The following NBPF3 variants were observed in gnomAD, a reference collection of about 807,000 sequenced individuals.
NBPF3 encodes the protein NBPF family member NBPF3.
A neutral mutation model predicts 78.1 loss-of-function variants in NBPF3; 57 were observed. The observed-to-expected ratio is 0.73, with a 90% confidence interval of 0.59 to 0.91. NBPF3 has a LOEUF of 0.91. Among genes scored for constraint, NBPF3 ranks in the 40% least tolerant of loss-of-function variants. NBPF3 has a pLI of 0.00. For synonymous variants in NBPF3, 182 were observed against 271.7 expected, an observed-to-expected ratio of 0.67 and a Z score of 3.25; for missense variants, 510 against 715.3, an observed-to-expected ratio of 0.71 and a Z score of 3.27.
intron 2 of NBPF3, chr1:21,446,030 C>T (rs1640950911): frequency 6.6e-6 from 1 of 152,396 alleles, no homozygotes; most frequent in South Asian, 2.1e-4. Flanking sequence ...CATGTGGTCG[C>T]CCACAGGTCC....
intron 2 of NBPF3, among the ~76,000 whole-genome samples, chr1:21,450,583 C>T (rs1372052682): frequency 6.6e-6 from 1 of 152,160 alleles, no homozygotes; most frequent in East Asian, 1.9e-4. Context: ...TTCCATCTAC[C>T]ACAGTAGGAC....
chr1:21,477,291 AT>A, intron 8 of NBPF3, among the ~76,000 whole-genome samples: 1 of 152,306 alleles, frequency 6.6e-6, no homozygotes, highest in South Asian at 2.1e-4. Context: ...CATCAAAGTT[AT>A]TCTCCGTCCT....
intron 1 of NBPF3, chr1:21,440,722 A>C (rs1316587453): frequency 1.3e-5 from 2 of 152,380 alleles, no homozygotes; most frequent in East Asian, 3.8e-4. Flanking sequence ...GAGAGGCGAG[A>C]GCGCTCGCGC....
intron 1 of NBPF3, chr1:21,440,842 A>C (rs1031930368): frequency 6.6e-6 from 1 of 152,266 alleles, no homozygotes; most frequent in Admixed American, 6.5e-5. Flanking sequence ...GATGCACATG[A>C]GGAGCGTTTG....
chr1:21,445,895 C>G (rs1222954316), intron 2 of NBPF3: 2 of 152,256 alleles, frequency 1.3e-5, no homozygotes, highest in Non-Finnish European at 1.5e-5. Context: ...CTATTAGGTA[C>G]CAGGCCCTGC....
At chr1:21,451,956 GT>G in intron 2 of NBPF3, 5 of 477,976 alleles carry the variant, frequency 1.0e-5, no homozygotes, top group Non-Finnish European at 1.4e-5. Flanking sequence ...GCCACCAGTA[GT>G]TTTTCCAGGG....
intron 2 of NBPF3, chr1:21,446,587 CCTT>C (rs1028046867): frequency 1.2e-4 from 18 of 145,384 alleles, no homozygotes; most frequent in Admixed American, 2.1e-4. Context: ...TCCCTCCCTC[CCTT>C]CTTTCCTTTC....
chr1:21,471,893 C>T (rs1413053925), intron 5 of NBPF3, 110 bp downstream of exon 5: 18 of 1,408,504 alleles, frequency 1.3e-5, no homozygotes, highest in African/African-American at 2.8e-5. Context: ...TCCCACTAAA[C>T]GTATGTGGCC....
chr1:21,449,848 G>T (rs1641202771), intron 2 of NBPF3: 1 of 620,254 alleles, frequency 1.6e-6, no homozygotes, highest in Non-Finnish European at 2.0e-6. Flanking sequence ...ACCCCTCATT[G>T]TCTTCTTCAG....
chr1:21,475,053 C>T (rs981329941), intron 8 of NBPF3, 102 bp downstream of exon 8: 6 of 999,914 alleles, frequency 6.0e-6, no homozygotes, highest in Admixed American at 1.9e-5. Context: ...TTATTCCATT[C>T]ACCCAGCTAC....
Position 21,478,277 on chromosome 1 carries a change from C to T in NBPF3, c.1126C>T (p.Gln376Ter), listed in dbSNP as rs202154592. ...DRSTFHSVEE[Q>*]QVGLALDIGR... ...GAGCACCTTTCACTCAGTAGAGGAACAGCAAGTCGGCTTGGCTCTTGACAT... is the reference window on the plus strand; with the variant it reads ...GAGCACCTTTCACTCAGTAGAGGAATAGCAAGTCGGCTTGGCTCTTGACAT... Residue 376 changes from glutamine (Q) to a stop codon, truncating the protein, a stop_gained, in exon 9 of 15, where the codon CAG (glutamine) becomes TAG (stop). Transcript: ENST00000318249. LOFTEE classifies it high-confidence loss of function. The T allele has an allele frequency of 1.9e-6, 3 of 1,614,134 alleles. No homozygotes were observed. The highest frequency in any genetic ancestry group is 2.2e-5 in the South Asian group (2 of 91,088).
At chr1:21,465,124 C>G (rs1570028616) in intron 2 of NBPF3, among the ~76,000 whole-genome samples, 1 of 151,560 alleles carries the variant, frequency 6.6e-6, no homozygotes, top group African/African-American at 2.4e-5. Flanking sequence ...CAGAAGATTT[C>G]CTTTTTTCAG....
At chr1:21,437,444 C>A, upstream of NBPF3, 1 of 1,406,290 alleles carries the variant, frequency 7.1e-7, no homozygotes, top group Non-Finnish European at 9.6e-7. Context: ...GTAGCGCCTG[C>A]GGGACAAGAC....
chr1:21,478,147 T>C lies in NBPF3; in HGVS notation c.996T>C (p.Asn332=), dbSNP rs1276369098. The C allele has an allele frequency of 5.0e-6, 8 of 1,613,880 alleles. No homozygotes were observed. The Admixed American group carries it at 1.3e-4, about 27-fold the overall frequency. ...EEEKGPVSPR[N]LQESEEEEAP... is the part of the protein sequence containing the mutation. ...CCTGTCCTGCCTGGCTCATCAGGAA[T>C]CTGCAGGAGTCTGAAGAGGAGGAAG... The change falls in exon 9 of 15, where the codon AAT becomes AAC. Residue 332 remains asparagine (N), a synonymous_variant. Transcript: ENST00000318249.
chr1:21,459,458 C>T (rs1253519273), intron 2 of NBPF3, among the ~76,000 whole-genome samples: 2 of 152,144 alleles, frequency 1.3e-5, no homozygotes, highest in African/African-American at 4.8e-5. Context: ...AAAAATCCCT[C>T]CAAAACGTTT....
chr1:21,467,298 C>A, intron 2 of NBPF3: 1 of 985,426 alleles, frequency 1.0e-6, no homozygotes, highest in South Asian at 4.7e-5. Flanking sequence ...ACTCACTGCA[C>A]CCTCAACTCA....
In NBPF3 at chr1:21,478,269, T is replaced by C. The variant is rs772598705; in HGVS notation, c.1118T>C (p.Val373Ala). Reference sequence around the variant, plus strand: ...TCTGACAGGAGCACCTTTCACTCAGTAGAGGAACAGCAAGTCGGCTTGGCT... The same window carrying C: ...TCTGACAGGAGCACCTTTCACTCAGCAGAGGAACAGCAAGTCGGCTTGGCT... ...YQSDRSTFHSVEEQQVGLALD... is the reference protein window; with the variant it reads ...YQSDRSTFHSAEEQQVGLALD... The change falls in exon 9 of 15, where the codon GTA (valine) becomes GCA (alanine). Residue 373 changes from valine (V) to alanine (A), a missense_variant. By Grantham distance (64) the Val-to-Ala change is moderately conservative (BLOSUM62 0). Transcript: ENST00000318249. 3.1e-6 allele frequency: 5 copies of C among 1,613,968 alleles called. No individual in the cohort carries two copies. The highest frequency in any genetic ancestry group is 1.7e-5 in the Admixed American group (1 of 59,990).
chr1:21,440,174 G>A lies in NBPF3; in HGVS notation c.-314G>A, dbSNP rs1640536071. ...TTGGGTGGCGGTTGAGACAGCGGCG[G>A]TACTGGGATGGGTAGGTGAGGATCC... On this transcript the variant is annotated 5_prime_UTR_variant, in exon 1 of 15. Transcript: ENST00000318249. The A allele has an allele frequency of 6.6e-6, 1 of 152,000 alleles. No individual in the cohort carries two copies. The highest frequency in any genetic ancestry group is 2.1e-4 in the South Asian group (1 of 4,848). The allele number at this position is 152,000 out of a possible 1,614,324, so 9.4% of individuals were successfully genotyped here. A position where few individuals can be genotyped will look rare whatever the true frequency, so the allele number is the denominator to read the frequency against.
chr1:21,439,194 G>C, upstream of NBPF3, among the ~76,000 whole-genome samples: 1 of 152,140 alleles, frequency 6.6e-6, no homozygotes, highest in East Asian at 1.9e-4. Context: ...CAGGAGAATC[G>C]CTTGATCCTG....
Sources: gnomAD v4.1 joint callset for allele counts (sites outside exome capture counted in the v4.1 genomes callset) on GRCh38, gnomAD v4.1.1 for gene constraint, MANE v1.5 for transcripts, NCBI Gene and HGNC (gene_info 2026-07-23, HGNC 2026-07-21) for gene names.